Variants in RIPOR2 observed in about 807,000 individuals in gnomAD.
RIPOR2 encodes the protein RHO family interacting cell polarization regulator 2.
Under a neutral mutation model 114.5 loss-of-function variants are expected in RIPOR2, and 39 were observed. The observed-to-expected ratio is 0.34, with a 90% CI of 0.26 to 0.44. The LOEUF (loss-of-function observed/expected upper bound fraction) is 0.44. Ranked by LOEUF, RIPOR2 falls within the 20% of genes least tolerant of loss-of-function variation. The probability of loss-of-function intolerance (pLI) is 1.00; values close to 1 mark genes in which losing one functional copy is unlikely to be tolerated. For synonymous variants in RIPOR2, 445 were observed against 484.4 expected, an observed-to-expected ratio of 0.92 and a Z score of 1.07; for missense variants, 1,007 against 1,255.1, an observed-to-expected ratio of 0.80 and a Z score of 2.99.
chr6:24,842,775 T>C (rs1166852770), intron 13 of RIPOR2, 87 bp downstream of exon 13: 3 of 713,030 alleles, frequency 4.2e-6, no homozygotes, highest in Non-Finnish European at 6.1e-6. Context: ...AGGATTTTTT[T>C]TTTAAATGAT....
chr6:24,850,032 G>T, intron 10 of RIPOR2, 82 bp from the exon 11 acceptor site: 1 of 1,177,976 alleles, frequency 8.5e-7, no homozygotes, highest in Non-Finnish European at 1.2e-6. Context: ...TTTTTACTGA[G>T]CTAGGTTGGT....
Position 25,022,532 on chromosome 6 carries a change from A to ATTTTTTTTTTTTTTTTTTTT in RIPOR2, c.76+19299_76+19318dup, listed in dbSNP as rs10564019. ...ACATATAACTAATGTGGTACCTTCCATTTTTTTTTTTTTTTTTTTTTTTTT... is the reference window on the plus strand; with the variant it reads ...ACATATAACTAATGTGGTACCTTCCATTTTTTTTTTTTTTTTTTTTTTTTTTTTTTTTTTTTTTTTTTTTT... On this transcript the variant is annotated intron_variant, in intron 1 of 13. Coordinates refer to the RIPOR2 transcript ENST00000510784. Among the ~76,000 whole-genome samples the ATTTTTTTTTTTTTTTTTTTT allele has an allele frequency of 3.9e-4, 16 of 40,984 alleles. 3 individuals carry two copies. Among genetic ancestry groups the ATTTTTTTTTTTTTTTTTTTT allele is most frequent in the Non-Finnish European group, 6.3e-4 (13 of 20,698 alleles). 26.9% of individuals were successfully genotyped at this position (40,984 alleles called of 152,430 possible). A position where few individuals can be genotyped will look rare whatever the true frequency, so the allele number is the denominator to read the frequency against.
At chr6:24,970,858 T>C (rs1030513434) in intron 1 of RIPOR2, among the ~76,000 whole-genome samples, 1 of 151,948 alleles carries the variant, frequency 6.6e-6, no homozygotes, top group African/African-American at 2.4e-5. Context: ...CTTTGAATTC[T>C]GGAGTCACTA....
chr6:24,873,945 C>T, intron 2 of RIPOR2, 146 bp from the exon 3 acceptor site: 1 of 687,044 alleles, frequency 1.5e-6, no homozygotes, highest in South Asian at 2.0e-5. Flanking sequence ...GTGATCATAG[C>T]TCACTGCAGC....
chr6:24,896,015 T>A (rs1331731228), intron 1 of RIPOR2, among the ~76,000 whole-genome samples: 2 of 151,788 alleles, frequency 1.3e-5, no homozygotes, highest in African/African-American at 4.8e-5. Flanking sequence ...AAATAAATAA[T>A]AAAAAAATAA....
intron 1 of RIPOR2, among the ~76,000 whole-genome samples, chr6:24,999,900 G>A (rs1775224873): frequency 6.6e-6 from 1 of 152,132 alleles, no homozygotes; most frequent in Admixed American, 6.6e-5. Flanking sequence ...TCAAGAGCCT[G>A]GACACCAGCT....
chr6:24,845,155 C>A (rs573376963), intron 12 of RIPOR2, among the ~76,000 whole-genome samples: 1 of 152,212 alleles, frequency 6.6e-6, no homozygotes, highest in East Asian at 1.9e-4. Flanking sequence ...TGTCTCTTTA[C>A]CTCCCAAACT....
intron 1 of RIPOR2, among the ~76,000 whole-genome samples, chr6:24,984,972 C>T (rs1774472408): frequency 6.6e-6 from 1 of 152,156 alleles, no homozygotes; most frequent in Non-Finnish European, 1.5e-5. Flanking sequence ...CCCTGCGAGC[C>T]CCTCTGCCAC....
intron 14 of RIPOR2, among the ~76,000 whole-genome samples, chr6:24,838,074 G>A (rs1319584104): frequency 2.0e-5 from 3 of 152,164 alleles, no homozygotes; most frequent in African/African-American, 7.2e-5. Flanking sequence ...TTGGACCCCA[G>A]GCTCTAGTTC....
At chr6:24,827,630 A>T (rs1760303193) in intron 18 of RIPOR2, among the ~76,000 whole-genome samples, 1 of 152,200 alleles carries the variant, frequency 6.6e-6, no homozygotes, top group Admixed American at 6.5e-5. Context: ...TGGAATGGCA[A>T]GAACCAGCTT....
At chr6:24,964,872 A>T (rs1282618679) in intron 1 of RIPOR2, among the ~76,000 whole-genome samples, 1 of 152,018 alleles carries the variant, frequency 6.6e-6, no homozygotes, top group East Asian at 1.9e-4. Context: ...CTTAATTTGC[A>T]TTTTCCTAAT....
chr6:24,859,410 T>C lies in RIPOR2; in HGVS notation c.715+1563A>G, dbSNP rs373274407. 8.0e-4 allele frequency among the ~76,000 whole-genome samples: 122 copies of C among 152,196 alleles called. 5 individuals carry two copies. The South Asian group carries it at 0.023, about 29-fold the overall frequency. Reference sequence around the variant, plus strand: ...GATTCAGGGCAGTTATTTTCCAGAATTGATCAGGCTGCTGATAGAATCATC... The same window carrying C: ...GATTCAGGGCAGTTATTTTCCAGAACTGATCAGGCTGCTGATAGAATCATC... On this transcript the variant is annotated intron_variant, in intron 8 of 21. Transcript: ENST00000643898.
In RIPOR2 at chr6:24,875,757, C is replaced by G; in HGVS notation, c.122G>C (p.Gly41Ala). 1 of 1,613,554 alleles carries G rather than the reference C, an allele frequency of 6.2e-7. No individual in the cohort carries two copies. The highest frequency in any genetic ancestry group is 8.5e-7 in the Non-Finnish European group (1 of 1,179,710). Reference protein sequence around the residue: ...LVGSQSFSPGGPNGIIRSQSF... With the variant: ...LVGSQSFSPGAPNGIIRSQSF... Reference sequence around the variant, plus strand: ...CTGGCTTCTAATGATCCCATTGGGCCCTCCAGGCGAAAAAGACTGGGATCC... The same window carrying G: ...CTGGCTTCTAATGATCCCATTGGGCGCTCCAGGCGAAAAAGACTGGGATCC... Residue 41 changes from glycine to alanine, a missense_variant, in exon 2 of 22, where the codon GGG (glycine) becomes GCG (alanine). Coordinates refer to ENST00000643898, the MANE Select transcript of RIPOR2 (RefSeq NM_001286445.3).
intron 1 of RIPOR2, among the ~76,000 whole-genome samples, chr6:25,021,221 T>C (rs906295567): frequency 2.9e-4 from 44 of 152,248 alleles, no homozygotes; most frequent in Non-Finnish European, 1.5e-5. Context: ...TTATTGATGA[T>C]AGAACTGAGA....
rs375290779 is a variant in RIPOR2 at position 25,023,478 on chromosome 6, C to T, written c.76+18373G>A. On this transcript the variant is annotated intron_variant, in intron 1 of 13. Coordinates refer to the RIPOR2 transcript ENST00000510784. ...CCTCCCACTTGCCCCTAGGACTTGG[C>T]GATGCAGTGGCGGACAAATTCACAC... 4.7e-4 allele frequency: 363 copies of T among 767,800 alleles called. 3 individuals carry two copies. The highest frequency in any genetic ancestry group is 4.3e-3 in the South Asian group (323 of 74,580). The allele number at this position is 767,800 out of a possible 1,614,324, so 47.6% of individuals were successfully genotyped here.
At chr6:24,997,239 G>A (rs1561834359) in intron 1 of RIPOR2, among the ~76,000 whole-genome samples, 2 of 152,110 alleles carry the variant, frequency 1.3e-5, no homozygotes, top group Non-Finnish European at 1.5e-5. Flanking sequence ...ATACAGTTAA[G>A]CCTGAGAACC....
upstream of RIPOR2, among the ~76,000 whole-genome samples, chr6:24,939,401 G>C (rs1771993685): frequency 6.6e-6 from 1 of 152,134 alleles, no homozygotes; most frequent in African/African-American, 2.4e-5. Context: ...TGATAGCTAA[G>C]GATTGTTATG....
chr6:24,809,404 C>T (rs1280093446), intron 21 of RIPOR2, among the ~76,000 whole-genome samples: 2 of 152,156 alleles, frequency 1.3e-5, no homozygotes, highest in Non-Finnish European at 2.9e-5. Flanking sequence ...AGCCTGGATT[C>T]CTATTGCCTT....
rs527995375 is a variant in RIPOR2, at chr6:25,026,110, G to A, written c.76+15741C>T. ...TGAAAGCACTGTGCTCAGCAAGACA[G>A]GTTTATAAATGAATGCTACTCACAG... is the stretch of plus-strand genomic sequence containing the variant. On this transcript the variant is annotated intron_variant, in intron 1 of 13. Transcript: ENST00000510784. Among the ~76,000 whole-genome samples, 19 of 151,556 alleles carry A rather than the reference G, an allele frequency of 1.3e-4. No homozygotes were observed. In the East Asian group the frequency reaches 3.3e-3, roughly 26 times the overall value.
Sources: gnomAD v4.1 joint callset for allele counts (sites outside exome capture counted in the v4.1 genomes callset) on GRCh38, gnomAD v4.1.1 for gene constraint, MANE v1.5 for transcripts, NCBI Gene and HGNC (gene_info 2026-07-23, HGNC 2026-07-21) for gene names.